The following CSMD1 variants were observed in gnomAD, a reference collection of about 807,000 sequenced individuals.
The protein encoded by CSMD1 is CUB and sushi domain-containing protein 1.
CSMD1 carries 213 observed loss-of-function variants against 417.5 expected under a neutral mutation model. The ratio of observed to expected loss-of-function variants is 0.51; its 90% CI spans 0.46 to 0.57. CSMD1 has a LOEUF of 0.57. Among genes scored for constraint, CSMD1 ranks in the 20% least tolerant of loss-of-function variants. The pLI is 0.00. For missense variants in CSMD1, 6,923 were observed against 4,529.7 expected (o/e 1.53, Z -15.17); for synonymous variants, 2,862 against 1,736.8 (o/e 1.65, Z -16.11).
intron 42 of CSMD1, among the ~76,000 whole-genome samples, chr8:3,111,475 C>G (rs2129016325): frequency 6.6e-6 from 1 of 152,226 alleles, no homozygotes; most frequent in East Asian, 1.9e-4. Flanking sequence ...CCCTGGGAGC[C>G]TCCACTTCTA....
intron 2 of CSMD1, among the ~76,000 whole-genome samples, chr8:4,530,516 C>T (rs1293567261): frequency 6.6e-6 from 1 of 150,702 alleles, no homozygotes; most frequent in African/African-American, 2.4e-5. Context: ...CCTGACAGGC[C>T]CCAGTGTGTG....
intron 3 of CSMD1, among the ~76,000 whole-genome samples, chr8:4,161,678 A>C (rs1473523035): frequency 6.6e-6 from 1 of 152,220 alleles, no homozygotes; most frequent in Non-Finnish European, 1.5e-5. Flanking sequence ...AAAAATTATT[A>C]CAATTTAGCA....
intron 2 of CSMD1, among the ~76,000 whole-genome samples, chr8:4,525,856 T>A (rs539040109): frequency 6.6e-6 from 1 of 152,270 alleles, no homozygotes; most frequent in African/African-American, 2.4e-5. Flanking sequence ...TGTCCACAGT[T>A]CCATCGTGAT....
chr8:4,349,884 C>T (rs1284696005), intron 3 of CSMD1, among the ~76,000 whole-genome samples: 1 of 147,000 alleles, frequency 6.8e-6, no homozygotes, highest in African/African-American at 2.5e-5. Flanking sequence ...TAAGAAAAGA[C>T]AGGGAGCCAA....
At chr8:3,988,207 T>A (rs775997492) in intron 5 of CSMD1, among the ~76,000 whole-genome samples, 1 of 152,116 alleles carries the variant, frequency 6.6e-6, no homozygotes, top group African/African-American at 2.4e-5. Context: ...GGTGAGTCTG[T>A]GAATCCTAAA....
At chr8:4,784,138 G>C (rs1196051986) in intron 1 of CSMD1, among the ~76,000 whole-genome samples, 1 of 152,228 alleles carries the variant, frequency 6.6e-6, no homozygotes, top group Non-Finnish European at 1.5e-5. Context: ...CACAGAATAA[G>C]TCAGTTGCCT....
At chr8:3,500,686 C>A (rs1382784712) in intron 10 of CSMD1, among the ~76,000 whole-genome samples, 1 of 152,070 alleles carries the variant, frequency 6.6e-6, no homozygotes, top group Admixed American at 6.5e-5. Context: ...GTGTTGAATG[C>A]TACTAAGAAT....
intron 5 of CSMD1, among the ~76,000 whole-genome samples, chr8:3,761,212 A>G (rs1478233375): frequency 6.6e-6 from 1 of 152,192 alleles, no homozygotes; most frequent in Non-Finnish European, 1.5e-5. Flanking sequence ...CTCATATTGC[A>G]AGAACATGAA....
intron 3 of CSMD1, among the ~76,000 whole-genome samples, chr8:4,261,372 G>C (rs974617700): frequency 2.6e-5 from 4 of 152,104 alleles, no homozygotes; most frequent in African/African-American, 7.2e-5. Context: ...CTCAGAAATA[G>C]AGATTAGAAT....
chr8:3,008,175 G>A (rs1314436689), intron 52 of CSMD1, among the ~76,000 whole-genome samples: 2 of 152,198 alleles, frequency 1.3e-5, no homozygotes, highest in Non-Finnish European at 2.9e-5. Flanking sequence ...CAAAATGTCA[G>A]GAAGAAGGCT....
rs1437987450 is a variant in CSMD1 at position 3,000,087 on chromosome 8, T to G, written c.8074A>C (p.Ser2692Arg). 1 of 1,586,620 alleles carries G rather than the reference T, an allele frequency of 6.3e-7. No individual in the cohort carries two copies. Among genetic ancestry groups the G allele is most frequent in the Admixed American group, 1.8e-5 (1 of 56,580 alleles). The change falls in exon 53 of 70, where the codon AGT becomes CGT. Residue 2692 changes from serine to arginine, a missense_variant. Coordinates refer to ENST00000635120, the MANE Select transcript of CSMD1 (RefSeq NM_033225.6). ...SPDPIVNGHI[S>R]GDGFSYRDTV... ...TCTCTGTAACTGAAGCCATCTCCACTAATGTGACCGTTCACAATCGGGTCT... is the reference window on the plus strand; with the variant it reads ...TCTCTGTAACTGAAGCCATCTCCACGAATGTGACCGTTCACAATCGGGTCT...
intron 5 of CSMD1, among the ~76,000 whole-genome samples, chr8:3,838,972 T>TATA (rs1258691209): frequency 7.6e-5 from 4 of 52,550 alleles, no homozygotes; most frequent in African/African-American, 1.1e-4. Flanking sequence ...TAATATTATA[T>TATA]ATAATATATT....
chr8:4,514,742 T>A lies in CSMD1; in HGVS notation c.303-94677A>T, dbSNP rs146941836. Among the ~76,000 whole-genome samples, 165 of 152,274 alleles carry A rather than the reference T, an allele frequency of 1.1e-3. 1 individual carries two copies. The East Asian group carries it at 0.03, about 28-fold the overall frequency. On this transcript the variant is annotated intron_variant, in intron 2 of 69. Transcript: ENST00000635120. ...TGCTATTAGTAACTTCCTCCAAATA[T>A]GATTGTGAACAGTGGAGAATAAAGA...
At chr8:3,811,289 C>A (rs940318962) in intron 5 of CSMD1, among the ~76,000 whole-genome samples, 1 of 152,146 alleles carries the variant, frequency 6.6e-6, no homozygotes, top group East Asian at 1.9e-4. Flanking sequence ...TTTATGAGCA[C>A]GGAAAACTGC....
rs1046365338 is a variant in CSMD1, at chr8:3,814,098, G to C, written c.819-60056C>G. ...TTCAAATTCCCTGAAGGAAGAGCTT[G>C]AGATCAGAACCCATGTTCTTTGCAA... On this transcript the variant is annotated intron_variant, in intron 5 of 69. Transcript: ENST00000635120. Among the ~76,000 whole-genome samples the C allele has an allele frequency of 1.6e-4, 24 of 152,304 alleles. No individual in the cohort carries two copies. The South Asian group carries it at 1.7e-3, about 11-fold the overall frequency.
At chr8:4,523,507 G>A (rs1803593767) in intron 2 of CSMD1, among the ~76,000 whole-genome samples, 1 of 152,066 alleles carries the variant, frequency 6.6e-6, no homozygotes, top group South Asian at 2.1e-4. Flanking sequence ...GATGGCTGTT[G>A]CTAGTTTTCC....
intron 3 of CSMD1, among the ~76,000 whole-genome samples, chr8:4,330,287 C>T (rs762889083): frequency 4.9e-5 from 7 of 142,700 alleles, no homozygotes; most frequent in Non-Finnish European, 9.5e-5. Context: ...TACAAAGTAA[C>T]ACTATATTGT....
At chr8:4,329,596 CT>C (rs1799755719) in intron 3 of CSMD1, among the ~76,000 whole-genome samples, 1 of 151,968 alleles carries the variant, frequency 6.6e-6, no homozygotes, top group Non-Finnish European at 1.5e-5. Flanking sequence ...CCAAAAAATA[CT>C]TATTTTTCTT....
chr8:4,985,866 T>G (rs1488650284), intron 1 of CSMD1, among the ~76,000 whole-genome samples: 1 of 152,140 alleles, frequency 6.6e-6, no homozygotes, highest in African/African-American at 2.4e-5. Context: ...GGAATTCTAT[T>G]TTATGAAGAA....
Sources: gnomAD v4.1 joint callset for allele counts (sites outside exome capture counted in the v4.1 genomes callset) on GRCh38, gnomAD v4.1.1 for gene constraint, MANE v1.5 for transcripts, NCBI Gene and HGNC (gene_info 2026-07-23, HGNC 2026-07-21) for gene names.